Variants in CSMD1 observed in about 807,000 individuals in gnomAD.
The protein encoded by CSMD1 is CUB and sushi domain-containing protein 1.
In CSMD1, 213 loss-of-function variants were observed where a neutral mutation model predicts 417.5. The ratio of observed to expected loss-of-function variants is 0.51; its 90% CI spans 0.46 to 0.57. The LOEUF is 0.57. Ranked by LOEUF, CSMD1 falls within the 20% of genes least tolerant of loss-of-function variation. The pLI, the probability that CSMD1 is intolerant of heterozygous loss-of-function variation, is 0.00. For missense variants in CSMD1, 6,923 were observed against 4,529.7 expected (o/e 1.53, Z -15.17); for synonymous variants, 2,862 against 1,736.8 (o/e 1.65, Z -16.11).
Position 4,876,708 on chromosome 8 carries a change from T to C in CSMD1, c.85+117624A>G, listed in dbSNP as rs77490828. Among the ~76,000 whole-genome samples the C allele has an allele frequency of 9.5e-4, 145 of 152,208 alleles. 2 individuals are homozygous for C. Among genetic ancestry groups the C allele is most frequent in the African/African-American group, 3.3e-3 (137 of 41,496 alleles). Reference sequence around the variant, plus strand: ...TATAGTCTCCTTCTGTGCTAATTTCTAAGACAATATCATGACCTCTTTCTT... The same window carrying C: ...TATAGTCTCCTTCTGTGCTAATTTCCAAGACAATATCATGACCTCTTTCTT... On this transcript the variant is annotated intron_variant, in intron 1 of 69. Coordinates refer to ENST00000635120, the MANE Select transcript of CSMD1 (RefSeq NM_033225.6).
chr8:4,616,453 C>T (rs1033783208), intron 2 of CSMD1, among the ~76,000 whole-genome samples: 3 of 152,168 alleles, frequency 2.0e-5, no homozygotes, highest in Non-Finnish European at 2.9e-5. Flanking sequence ...AAGAGTAAAA[C>T]TAACTATTTA....
chr8:4,067,841 G>A (rs956930090), intron 3 of CSMD1, among the ~76,000 whole-genome samples: 1 of 152,162 alleles, frequency 6.6e-6, no homozygotes, highest in Non-Finnish European at 1.5e-5. Context: ...CACTTTGGGA[G>A]GCCGAGGTGG....
At chr8:4,963,093 C>T (rs17071930) in intron 1 of CSMD1, among the ~76,000 whole-genome samples, 3,542 of 152,242 alleles carry the variant, frequency 0.023, 124 homozygotes, top group African/African-American at 0.078. Context: ...TCCAGGCCTC[C>T]GCAAGAATAT....
intron 37 of CSMD1, among the ~76,000 whole-genome samples, chr8:3,164,275 G>A (rs996252634): frequency 6.6e-6 from 1 of 152,150 alleles, no homozygotes; most frequent in African/African-American, 2.4e-5. Context: ...TAGGTAGGAG[G>A]AGTGCCACGA....
At chr8:3,636,600 A>T (rs965197263) in intron 7 of CSMD1, among the ~76,000 whole-genome samples, 1 of 152,168 alleles carries the variant, frequency 6.6e-6, no homozygotes, top group Non-Finnish European at 1.5e-5. Context: ...TGTGAAAAAC[A>T]TCTTTTCAGG....
intron 26 of CSMD1, among the ~76,000 whole-genome samples, chr8:3,254,989 C>T (rs1296012894): frequency 6.6e-6 from 1 of 152,094 alleles, no homozygotes; most frequent in South Asian, 2.1e-4. Flanking sequence ...GTTTTTTCCC[C>T]ATCTTTGTGG....
At chr8:3,713,637 C>A (rs1438666862) in intron 6 of CSMD1, among the ~76,000 whole-genome samples, 2 of 152,196 alleles carry the variant, frequency 1.3e-5, no homozygotes, top group African/African-American at 4.8e-5. Context: ...TAATATGACT[C>A]ACTGTCTGAA....
At chr8:4,701,929 T>A (rs888244209) in intron 1 of CSMD1, among the ~76,000 whole-genome samples, 1 of 152,108 alleles carries the variant, frequency 6.6e-6, no homozygotes, top group Non-Finnish European at 1.5e-5. Context: ...TATGCAGCCA[T>A]AAAAAGGAAT....
chr8:3,123,042 G>C (rs1817296244), intron 41 of CSMD1, among the ~76,000 whole-genome samples: 1 of 152,168 alleles, frequency 6.6e-6, no homozygotes, highest in Non-Finnish European at 1.5e-5. Context: ...GTAGCTCAAA[G>C]GCTACAGTGG....
At chr8:3,574,040 G>A (rs1800047257) in intron 10 of CSMD1, among the ~76,000 whole-genome samples, 1 of 152,002 alleles carries the variant, frequency 6.6e-6, no homozygotes, top group Non-Finnish European at 1.5e-5. Flanking sequence ...TTAAAATGTA[G>A]TAACATAATT....
In CSMD1 at chr8:3,555,207, G is replaced by A. The variant is rs567169761; in HGVS notation, c.1344+19738C>T. Reference sequence around the variant, plus strand: ...CTGGGAGGTGTAGGGAAAGATGGACGGGAGCTTTTGTGAGCAGTGCTTGTG... The same window carrying A: ...CTGGGAGGTGTAGGGAAAGATGGACAGGAGCTTTTGTGAGCAGTGCTTGTG... On this transcript the variant is annotated intron_variant, in intron 10 of 69. Coordinates refer to ENST00000635120, the MANE Select transcript of CSMD1 (RefSeq NM_033225.6). 5.3e-5 allele frequency among the ~76,000 whole-genome samples: 8 copies of A among 151,416 alleles called. No homozygotes were observed. In the South Asian group the frequency reaches 6.3e-4, roughly 12 times the overall value.
intron 1 of CSMD1, among the ~76,000 whole-genome samples, chr8:4,979,395 C>T (rs1483966076): frequency 1.3e-5 from 2 of 152,116 alleles, no homozygotes; most frequent in Non-Finnish European, 2.9e-5. Flanking sequence ...ACATTTTCCA[C>T]GGCCACACTA....
At chr8:4,740,063 G>A (rs1044670620) in intron 1 of CSMD1, among the ~76,000 whole-genome samples, 1 of 151,990 alleles carries the variant, frequency 6.6e-6, no homozygotes, top group African/African-American at 2.4e-5. Flanking sequence ...AATGATCTCT[G>A]AGAACTCCAA....
chr8:3,503,288 G>T (rs922325219), intron 10 of CSMD1, among the ~76,000 whole-genome samples: 14 of 152,188 alleles, frequency 9.2e-5, no homozygotes, highest in African/African-American at 3.4e-4. Flanking sequence ...TAAACACTAG[G>T]AGTCTCTTAT....
chr8:4,793,845 A>C (rs1177056673), intron 1 of CSMD1, among the ~76,000 whole-genome samples: 2 of 151,810 alleles, frequency 1.3e-5, no homozygotes, highest in East Asian at 3.9e-4. Flanking sequence ...GAAAAAAAAA[A>C]AAAAAAAACT....
intron 5 of CSMD1, among the ~76,000 whole-genome samples, chr8:3,820,342 G>C (rs1409192791): frequency 6.6e-6 from 1 of 152,086 alleles, no homozygotes; most frequent in Non-Finnish European, 1.5e-5. Flanking sequence ...TAGATATATG[G>C]TGTTTGAACT....
chr8:4,639,323 T>C (rs551558530), intron 1 of CSMD1, among the ~76,000 whole-genome samples: 1 of 147,608 alleles, frequency 6.8e-6, no homozygotes, highest in African/African-American at 2.5e-5. Flanking sequence ...CCTGGGCCAA[T>C]CCAACTGAAG....
intron 37 of CSMD1, among the ~76,000 whole-genome samples, chr8:3,179,148 TG>T (rs1445737600): frequency 6.6e-6 from 1 of 151,298 alleles, no homozygotes; most frequent in East Asian, 2.0e-4. Context: ...GGTTTCAACG[TG>T]TTAGCCAGGA....
chr8:4,470,759 T>C (rs971918310), intron 2 of CSMD1, among the ~76,000 whole-genome samples: 1 of 152,214 alleles, frequency 6.6e-6, no homozygotes, highest in East Asian at 1.9e-4. Context: ...ATGACTTAAT[T>C]GGACCCAGAT....
Sources: gnomAD v4.1 joint callset for allele counts (sites outside exome capture counted in the v4.1 genomes callset) on GRCh38, gnomAD v4.1.1 for gene constraint, MANE v1.5 for transcripts, NCBI Gene and HGNC (gene_info 2026-07-23, HGNC 2026-07-21) for gene names.